The following FAT3 variants were observed in gnomAD, a reference collection of about 807,000 sequenced individuals.
FAT3 encodes the protein protocadherin Fat 3.
In FAT3, 95 loss-of-function variants were observed where a neutral mutation model predicts 310.2. The ratio of observed to expected loss-of-function variants is 0.31; its 90% confidence interval spans 0.26 to 0.36. The LOEUF (loss-of-function observed/expected upper bound fraction) is 0.36. Among genes scored for constraint, FAT3 ranks in the 10% least tolerant of loss-of-function variants. The pLI, the probability that FAT3 is intolerant of heterozygous loss-of-function variation, is 1.00. For synonymous variants in FAT3, 2,314 were observed against 2,192.9 expected (o/e 1.06, Z -1.54); for missense variants, 5,408 against 5,715.6 (o/e 0.95, Z 1.74).
In FAT3 at chr11:92,352,919, C is replaced by T; in HGVS notation, c.807C>T (p.Val269=). Residue 269 remains valine, a synonymous_variant, in exon 2 of 28, where the codon GTC becomes GTT. Coordinates refer to ENST00000525166, the MANE Select transcript of FAT3 (RefSeq NM_001367949.2). ...AACATGCCCCAACAATCCATGTAGT[C>T]ACTCATGTTCCTTTCTCGTTGGAAA... ...INEHAPTIHV[V]THVPFSLEKE... 2.5e-6 allele frequency: 4 copies of T among 1,613,878 alleles called. No individual in the cohort carries two copies. The highest frequency in any genetic ancestry group is 8.5e-7 in the Non-Finnish European group (1 of 1,179,858).
chr11:92,507,550 G>T (rs1056453836), intron 2 of FAT3, among the ~76,000 whole-genome samples: 1 of 151,322 alleles, frequency 6.6e-6, no homozygotes, highest in Non-Finnish European at 1.5e-5. Context: ...CATATATAGG[G>T]TGTATATATA....
chr11:92,751,729 C>G (rs1257042730), intron 4 of FAT3, among the ~76,000 whole-genome samples: 1 of 152,014 alleles, frequency 6.6e-6, no homozygotes, highest in Non-Finnish European at 1.5e-5. Flanking sequence ...AATGTTGATC[C>G]AAAGGCACAC....
At chr11:92,418,040 T>C (rs1454267520) in intron 2 of FAT3, among the ~76,000 whole-genome samples, 4 of 152,314 alleles carry the variant, frequency 2.6e-5, no homozygotes, top group East Asian at 3.9e-4. Context: ...TCCTCACTGA[T>C]TGGGAATGTG....
At chr11:92,481,193 G>C (rs538661374) in intron 2 of FAT3, among the ~76,000 whole-genome samples, 1 of 152,240 alleles carries the variant, frequency 6.6e-6, no homozygotes, top group South Asian at 2.1e-4. Context: ...TCAGTTAAAA[G>C]GAATTGTGCT....
At chr11:92,490,932 G>A (rs766470874) in intron 2 of FAT3, among the ~76,000 whole-genome samples, 4 of 151,934 alleles carry the variant, frequency 2.6e-5, no homozygotes, top group Non-Finnish European at 5.9e-5. Context: ...CAAGGTCCAA[G>A]GTCATAAGGT....
At chr11:92,374,030 G>GAGAGAGAGA (rs1949270752) in intron 2 of FAT3, among the ~76,000 whole-genome samples, 5 of 142,136 alleles carry the variant, frequency 3.5e-5, no homozygotes, top group Non-Finnish European at 3.0e-5. Flanking sequence ...ACAGAGAGAG[G>GAGAGAGAGA]GAGAGAGAGA....
chr11:92,567,096 A>G (rs1315819902), intron 3 of FAT3, among the ~76,000 whole-genome samples: 2 of 152,190 alleles, frequency 1.3e-5, no homozygotes, highest in Non-Finnish European at 2.9e-5. Flanking sequence ...CAGAGTGAAC[A>G]GGCAACCTTC....
intron 1 of FAT3, among the ~76,000 whole-genome samples, chr11:92,289,597 C>A (rs1409887065): frequency 6.6e-6 from 1 of 151,772 alleles, no homozygotes; most frequent in Non-Finnish European, 1.5e-5. Flanking sequence ...GTCAGCAAAT[C>A]CTGTTGGCCG....
chr11:92,510,657 C>T (rs181294602), intron 2 of FAT3, among the ~76,000 whole-genome samples: 10 of 152,306 alleles, frequency 6.6e-5, no homozygotes, highest in African/African-American at 2.2e-4. Context: ...GGCTTTTGAG[C>T]ATGCAGCTAA....
chr11:92,227,666 G>A (rs1863976860), intron 1 of FAT3, among the ~76,000 whole-genome samples: 2 of 152,074 alleles, frequency 1.3e-5, no homozygotes, highest in South Asian at 2.1e-4. Flanking sequence ...GAGGAGAGAA[G>A]AGAGAAGAGA....
rs1948601489 is a variant in FAT3, at chr11:92,352,724, T to C, written c.612T>C (p.Phe204=). 6.2e-7 allele frequency: 1 copy of C among 1,613,864 alleles called. No individual in the cohort carries two copies. Residue 204 remains phenylalanine, a synonymous_variant, in exon 2 of 28, where the codon TTT becomes TTC. Coordinates refer to ENST00000525166, the MANE Select transcript of FAT3 (RefSeq NM_001367949.2). ...YYYFKNKVDL[F]SVHPTSGVIS... is the part of the protein sequence containing the mutation. ...ACTTTAAAAATAAAGTTGATCTCTT[T>C]TCAGTTCACCCCACGAGTGGTGTCA...
At chr11:92,577,159 G>A (rs1938525762) in intron 3 of FAT3, among the ~76,000 whole-genome samples, 1 of 152,022 alleles carries the variant, frequency 6.6e-6, no homozygotes, top group Admixed American at 6.6e-5. Flanking sequence ...TGCCCAGGCT[G>A]TAGTGCAGTG....
chr11:92,840,053 AC>A (rs1485013533), intron 17 of FAT3, among the ~76,000 whole-genome samples: 1 of 152,202 alleles, frequency 6.6e-6, no homozygotes, highest in Non-Finnish European at 1.5e-5. Flanking sequence ...CCCATTTTCC[AC>A]CAGGAATATG....
At chr11:92,732,325 A>G (rs1945206245) in intron 4 of FAT3, among the ~76,000 whole-genome samples, 2 of 152,158 alleles carry the variant, frequency 1.3e-5, no homozygotes, top group African/African-American at 4.8e-5. Context: ...CGATATAACA[A>G]TCAATGCTCC....
intron 2 of FAT3, among the ~76,000 whole-genome samples, chr11:92,454,179 A>T (rs1342891009): frequency 6.6e-6 from 1 of 152,162 alleles, no homozygotes; most frequent in East Asian, 1.9e-4. Flanking sequence ...AGCACACCTC[A>T]ATTTAGACTA....
At chr11:92,594,931 A>G (rs1349233793) in intron 3 of FAT3, among the ~76,000 whole-genome samples, 2 of 152,100 alleles carry the variant, frequency 1.3e-5, no homozygotes, top group Non-Finnish European at 2.9e-5. Context: ...AAAATAAAGT[A>G]TTAGAAAAAT....
chr11:92,324,013 G>A (rs958202171), intron 1 of FAT3, among the ~76,000 whole-genome samples: 11 of 152,100 alleles, frequency 7.2e-5, no homozygotes, highest in East Asian at 5.8e-4. Context: ...TGCTAGCTTC[G>A]GACTTTTCTT....
chr11:92,227,243 G>A (rs1270425430), intron 1 of FAT3, among the ~76,000 whole-genome samples: 1 of 152,186 alleles, frequency 6.6e-6, no homozygotes, highest in Admixed American at 6.5e-5. Flanking sequence ...TTCTGGCCCC[G>A]ACGCTAGTCT....
chr11:92,328,042 G>A (rs1013249713), intron 1 of FAT3, among the ~76,000 whole-genome samples: 6 of 152,150 alleles, frequency 3.9e-5, no homozygotes, highest in Non-Finnish European at 2.9e-5. Context: ...GACAGCTCTG[G>A]GAGTTGTTTG....
Sources: allele counts gnomAD v4.1 joint callset (sites outside exome capture counted in the v4.1 genomes callset), GRCh38; gene constraint gnomAD v4.1.1; transcripts MANE v1.5; gene names NCBI Gene and HGNC (gene_info 2026-07-23, HGNC 2026-07-21).